Variants in PCNX2 observed in about 807,000 individuals in gnomAD.
PCNX2 encodes pecanex 2.
A neutral mutation model predicts 223.8 loss-of-function variants in PCNX2; 168 were observed. The observed-to-expected ratio is 0.75, with a 90% CI of 0.66 to 0.85. The LOEUF (loss-of-function observed/expected upper bound fraction) is 0.85. PCNX2 is among the 40% of genes least tolerant of loss of function. The probability of loss-of-function intolerance (pLI) is 0.00; values close to 1 mark genes in which losing one functional copy is unlikely to be tolerated. For synonymous variants in PCNX2, 1,006 were observed against 1,052.6 expected, an observed-to-expected ratio of 0.96 and a Z score of 0.86; for missense variants, 2,507 against 2,675.5, an observed-to-expected ratio of 0.94 and a Z score of 1.39.
intron 1 of PCNX2, among the ~76,000 whole-genome samples, chr1:233,269,993 G>C (rs888573664): frequency 1.3e-5 from 2 of 152,174 alleles, no homozygotes; most frequent in African/African-American, 4.8e-5. Flanking sequence ...AGTTAACAGA[G>C]ATTCTTTTCT....
intron 1 of PCNX2, among the ~76,000 whole-genome samples, chr1:233,276,847 T>TG (rs1660942165): frequency 6.6e-6 from 1 of 152,238 alleles, no homozygotes; most frequent in South Asian, 2.1e-4. Flanking sequence ...CATGGCACTT[T>TG]GGGGTAGAAC....
intron 10 of PCNX2, among the ~76,000 whole-genome samples, chr1:233,219,489 G>T (rs570950229): frequency 6.6e-6 from 1 of 152,030 alleles, no homozygotes; most frequent in Non-Finnish European, 1.5e-5. Flanking sequence ...TGGGTCATTC[G>T]CAAGGATTCT....
intron 4 of PCNX2, among the ~76,000 whole-genome samples, chr1:233,260,876 A>G (rs770139275): frequency 3.3e-5 from 5 of 152,168 alleles, no homozygotes; most frequent in Non-Finnish European, 5.9e-5. Context: ...CCCCCAAAAC[A>G]AAATCTGTAA....
chr1:233,089,833 T>C (rs1198845322), intron 23 of PCNX2: 10 of 1,259,506 alleles, frequency 7.9e-6, no homozygotes, highest in East Asian at 3.5e-5. Context: ...TGGTGAAACC[T>C]GGACTAGTAT....
chr1:233,227,487 A>T, intron 9 of PCNX2, 116 bp from the exon 10 acceptor site: 1 of 929,942 alleles, frequency 1.1e-6, no homozygotes, highest in Non-Finnish European at 1.4e-6. Context: ...CCATAATTTA[A>T]AAATACAAAA....
intron 23 of PCNX2, chr1:233,089,791 T>C (rs1236685654): frequency 1.9e-6 from 2 of 1,028,582 alleles, no homozygotes; most frequent in East Asian, 9.6e-5. Flanking sequence ...CTACGAAAAT[T>C]TGGCAGTGAT....
chr1:233,295,966 C>CTGTT (rs142856364), upstream of PCNX2, among the ~76,000 whole-genome samples: 3,676 of 145,802 alleles, frequency 0.025, 139 homozygotes, highest in African/African-American at 0.071. This position sits in a 1 kb window ranked among gnomAD's most constrained non-coding sequence, Gnocchi z 4.1. Context: ...CTCTCTCTCT[C>CTGTT]TCTTTCTTTC....
chr1:233,178,810 C>A (rs1345902517), intron 16 of PCNX2, among the ~76,000 whole-genome samples: 1 of 152,154 alleles, frequency 6.6e-6, no homozygotes, highest in South Asian at 2.1e-4. Context: ...TCTGTTCCTG[C>A]CACTGTGCAT....
At chr1:233,262,825 G>T in intron 2 of PCNX2, 133 bp downstream of exon 2, 1 of 800,754 alleles carries the variant, frequency 1.2e-6, no homozygotes, top group Non-Finnish European at 1.9e-6. Context: ...TTAAGTATAT[G>T]CTGAAATATA....
At chr1:233,286,395 C>A (rs1002116506) in intron 1 of PCNX2, among the ~76,000 whole-genome samples, 1 of 151,976 alleles carries the variant, frequency 6.6e-6, no homozygotes, top group Non-Finnish European at 1.5e-5. Context: ...TGTCTGATTC[C>A]CTCCTAGAAA....
intron 22 of PCNX2, among the ~76,000 whole-genome samples, chr1:233,091,179 C>T (rs1673852072): frequency 1.3e-5 from 2 of 152,074 alleles, no homozygotes; most frequent in Non-Finnish European, 2.9e-5. Flanking sequence ...CTTCCTGGTC[C>T]TAGGGTATTA....
rs76708547 is a variant in PCNX2, at chr1:233,161,151, C to T, written c.3366+120G>A. ...TGGATTCATTCCCTAAGCCTCTCAG[C>T]GGGCATTTTGTTTTCTTTCTCTGGC... On this transcript the variant is annotated intron_variant, in intron 18 of 33. Coordinates refer to ENST00000258229, the MANE Select transcript of PCNX2 (RefSeq NM_014801.4). The T allele has an allele frequency of 5.1e-3, 4,088 of 801,644 alleles. 90 individuals carry two copies. In the African/African-American group the frequency reaches 0.055, roughly 11 times the overall value. 49.7% of individuals were successfully genotyped at this position (801,644 alleles called of 1,614,324 possible).
chr1:233,315,997 A>G, the PCNX2 span, among the ~76,000 whole-genome samples: 1 of 152,226 alleles, frequency 6.6e-6, no homozygotes, highest in Non-Finnish European at 1.5e-5. Context: ...CTCAGGTCCA[A>G]GGTCATGAGC....
intron 15 of PCNX2, among the ~76,000 whole-genome samples, chr1:233,187,251 TG>T (rs1680156741): frequency 1.3e-5 from 2 of 152,250 alleles, no homozygotes; most frequent in Admixed American, 1.3e-4. Context: ...CTAGTTATTG[TG>T]GTAAGTATCT....
At chr1:233,196,332 T>TA (rs999930083) in intron 15 of PCNX2, among the ~76,000 whole-genome samples, 10 of 150,658 alleles carry the variant, frequency 6.6e-5, no homozygotes, top group Non-Finnish European at 1.0e-4. Flanking sequence ...AGGTAAGACA[T>TA]AAAAAAAACC....
intron 23 of PCNX2, among the ~76,000 whole-genome samples, chr1:233,058,954 C>A (rs1464974408): frequency 6.6e-6 from 1 of 152,124 alleles, no homozygotes; most frequent in Non-Finnish European, 1.5e-5. Flanking sequence ...TGAGTCACAG[C>A]GCCTGGCCAG....
At chr1:233,018,833 TG>T in intron 26 of PCNX2, 1 of 985,492 alleles carries the variant, frequency 1.0e-6, no homozygotes, top group East Asian at 1.1e-4. Context: ...TGTGTGCTCC[TG>T]TTAGAAACAA....
chr1:233,310,596 T>C, the PCNX2 span, among the ~76,000 whole-genome samples: 2 of 152,198 alleles, frequency 1.3e-5, no homozygotes, highest in Non-Finnish European at 2.9e-5. Context: ...GCTTCCTGGA[T>C]GTTCTTCCAG....
intron 9 of PCNX2, among the ~76,000 whole-genome samples, chr1:233,235,041 T>C (rs528285268): frequency 1.3e-5 from 2 of 151,614 alleles, no homozygotes; most frequent in South Asian, 2.1e-4. Context: ...CAACACACAG[T>C]ACACCCGGTG....
Sources: allele counts gnomAD v4.1 joint callset (sites outside exome capture counted in the v4.1 genomes callset), GRCh38; gene constraint gnomAD v4.1.1; non-coding constraint Gnocchi (gnomAD v3.1); transcripts MANE v1.5; gene names NCBI Gene and HGNC (gene_info 2026-07-23, HGNC 2026-07-21).